The following LINGO2 variants were observed in gnomAD, a reference collection of about 807,000 sequenced individuals.
LINGO2 encodes leucine rich repeat and Ig domain containing 2.
A neutral mutation model predicts 30.6 loss-of-function variants in LINGO2; 14 were observed. That is an observed-to-expected ratio of 0.46 (90% confidence interval 0.30 to 0.72). The LOEUF is 0.72. Among genes scored for constraint, LINGO2 ranks in the 30% least tolerant of loss-of-function variants. The pLI, the probability that LINGO2 is intolerant of heterozygous loss-of-function variation, is 0.07. For missense variants in LINGO2, 729 were observed against 751.7 expected, an observed-to-expected ratio of 0.97 and a Z score of 0.35; for synonymous variants, 317 against 288.5, an observed-to-expected ratio of 1.10 and a Z score of -1.00.
At chr9:28,282,231 T>C (rs983745526) in intron 4 of LINGO2, among the ~76,000 whole-genome samples, 5 of 152,098 alleles carry the variant, frequency 3.3e-5, no homozygotes, top group Admixed American at 2.0e-4. Flanking sequence ...TTGACTAGAA[T>C]GAGTTATGGG....
chr9:28,179,244 C>G (rs1222260934), intron 4 of LINGO2, among the ~76,000 whole-genome samples: 1 of 98,148 alleles, frequency 1.0e-5, no homozygotes, highest in African/African-American at 3.5e-5. Flanking sequence ...AACTCATTTT[C>G]TTTAATACTA....
At chr9:28,716,436 T>A in the LINGO2 span, among the ~76,000 whole-genome samples, 1 of 152,152 alleles carries the variant, frequency 6.6e-6, no homozygotes, top group South Asian at 2.1e-4. Context: ...AGTAATGTTA[T>A]AAGAGGTCTA....
At chr9:28,559,379 C>T (rs1254936168) in intron 1 of LINGO2, among the ~76,000 whole-genome samples, 2 of 152,112 alleles carry the variant, frequency 1.3e-5, no homozygotes, top group Non-Finnish European at 2.9e-5. Flanking sequence ...ATGTTTCCCT[C>T]TGTTAGAAAC....
At chr9:28,736,297 C>A in the LINGO2 span, among the ~76,000 whole-genome samples, 1 of 152,150 alleles carries the variant, frequency 6.6e-6, no homozygotes, top group Admixed American at 6.6e-5. Flanking sequence ...TTGCCCCAGT[C>A]TTTTGCCTGG....
chr9:28,148,587 G>C lies in LINGO2; in HGVS notation c.-86-136182C>G. 1.3e-6 allele frequency: 2 copies of C among 1,507,358 alleles called. No individual in the cohort carries two copies. Among genetic ancestry groups the C allele is most frequent in the South Asian group, 2.4e-5 (2 of 83,396 alleles). The allele number at this position is 1,507,358 out of a possible 1,614,324, so 93.4% of individuals were successfully genotyped here. On this transcript the variant is annotated intron_variant, in intron 4 of 5. Coordinates refer to ENST00000379992, the Ensembl canonical transcript of LINGO2. This position sits in a 1 kb window ranked among gnomAD's most constrained non-coding sequence, Gnocchi z 5.1. Reference sequence around the variant, plus strand: ...ACTCAGGGAAACTTCACTTCCTCCTGGTACAATCCCAGGCCCTTGGAGGGA... The same window carrying C: ...ACTCAGGGAAACTTCACTTCCTCCTCGTACAATCCCAGGCCCTTGGAGGGA...
chr9:28,825,869 G>A, the LINGO2 span, among the ~76,000 whole-genome samples: 1 of 152,128 alleles, frequency 6.6e-6, no homozygotes, highest in Non-Finnish European at 1.5e-5. Context: ...AGCCATCAAA[G>A]TTACCATAAA....
chr9:29,034,247 C>G, the LINGO2 span, among the ~76,000 whole-genome samples: 1 of 151,896 alleles, frequency 6.6e-6, no homozygotes, highest in African/African-American at 2.4e-5. Flanking sequence ...TCTTTGTAAA[C>G]ACGTATCTAA....
chr9:28,874,765 A>C, the LINGO2 span, among the ~76,000 whole-genome samples: 1 of 151,998 alleles, frequency 6.6e-6, no homozygotes, highest in African/African-American at 2.4e-5. Flanking sequence ...ACTTTTATGG[A>C]GACTTTATTA....
the LINGO2 span, among the ~76,000 whole-genome samples, chr9:28,701,767 G>A: frequency 2.0e-5 from 3 of 151,760 alleles, no homozygotes; most frequent in Admixed American, 1.3e-4. Flanking sequence ...CATCCTATTC[G>A]TAAAAACAGA....
At chr9:28,131,667 TAATC>T (rs747338990) in intron 4 of LINGO2, among the ~76,000 whole-genome samples, 1 of 152,124 alleles carries the variant, frequency 6.6e-6, no homozygotes, top group South Asian at 2.1e-4. Flanking sequence ...ATGCCCATAA[TAATC>T]AGATGCTTCC....
intron 1 of LINGO2, among the ~76,000 whole-genome samples, chr9:28,535,613 T>G (rs1330641175): frequency 1.3e-5 from 2 of 152,038 alleles, no homozygotes; most frequent in Non-Finnish European, 2.9e-5. Flanking sequence ...CCAAATAGAT[T>G]TCCTTTCTGC....
At chr9:29,168,209 G>C in the LINGO2 span, among the ~76,000 whole-genome samples, 1 of 151,216 alleles carries the variant, frequency 6.6e-6, no homozygotes, top group Non-Finnish European at 1.5e-5. Context: ...TCTAAAACTG[G>C]AAGGAAGACT....
At chr9:28,235,869 C>A (rs1162176439) in intron 4 of LINGO2, among the ~76,000 whole-genome samples, 1 of 151,934 alleles carries the variant, frequency 6.6e-6, no homozygotes. Context: ...GAGTTATTGA[C>A]CGTAAGGAGG....
intron 4 of LINGO2, among the ~76,000 whole-genome samples, chr9:28,280,338 T>G (rs1823274836): frequency 6.6e-6 from 1 of 152,012 alleles, no homozygotes; most frequent in Admixed American, 6.6e-5. Flanking sequence ...AAAGTACAAT[T>G]TATTGCTTTA....
At chr9:28,200,993 C>G (rs1370491320) in intron 4 of LINGO2, among the ~76,000 whole-genome samples, 1 of 150,962 alleles carries the variant, frequency 6.6e-6, no homozygotes, top group Non-Finnish European at 1.5e-5. Flanking sequence ...CTGACAGATT[C>G]AGCTTTTTTT....
At chr9:28,991,296 G>A in the LINGO2 span, among the ~76,000 whole-genome samples, 4 of 151,416 alleles carry the variant, frequency 2.6e-5, 1 homozygote, top group Admixed American at 2.0e-4. Context: ...GAAATGAAGC[G>A]AGAAGGGAAG....
the LINGO2 span, among the ~76,000 whole-genome samples, chr9:28,798,700 T>C: frequency 4.6e-5 from 7 of 152,132 alleles, no homozygotes; most frequent in African/African-American, 9.7e-5. Context: ...CTTCCAGCCA[T>C]GTTCAGCTGC....
At chr9:27,948,745 AG>A in exon 6 of LINGO2, 1 of 1,310,988 alleles carries the variant, frequency 7.6e-7, no homozygotes, top group Non-Finnish European at 1.1e-6. Context: ...CTTTTGATAC[AG>A]GGGCAGCTGC....
chr9:29,173,709 G>T, the LINGO2 span, among the ~76,000 whole-genome samples: 1 of 152,022 alleles, frequency 6.6e-6, no homozygotes, highest in African/African-American at 2.4e-5. Flanking sequence ...CATGAAGAAA[G>T]AATGAGGTCT....
Sources: gnomAD v4.1 joint callset for allele counts (sites outside exome capture counted in the v4.1 genomes callset) on GRCh38, gnomAD v4.1.1 for gene constraint, Gnocchi (gnomAD v3.1) non-coding constraint, MANE v1.5 for transcripts, NCBI Gene and HGNC (gene_info 2026-07-23, HGNC 2026-07-21) for gene names.